The following ADAMTS17 variants were observed in gnomAD, a reference collection of about 807,000 sequenced individuals.
The protein encoded by ADAMTS17 is A disintegrin and metalloproteinase with thrombospondin motifs 17.
ADAMTS17 carries 113 observed loss-of-function variants against 141.5 expected under a neutral mutation model. That is an observed-to-expected ratio of 0.80 (90% CI 0.69 to 0.93). ADAMTS17 has a LOEUF of 0.93. Ranked by LOEUF, ADAMTS17 falls within the 40% of genes least tolerant of loss-of-function variation. The pLI is 0.00. For missense variants in ADAMTS17, 1,659 were observed against 1,517.9 expected (o/e 1.09, Z -1.54); for synonymous variants, 768 against 630.6 (o/e 1.22, Z -3.27).
rs907076666 is a variant in ADAMTS17 at position 100,303,205 on chromosome 15, TAATA to T, written c.617-21808_617-21805del. On this transcript the variant is annotated intron_variant, in intron 3 of 21. Transcript: ENST00000268070. ...TATAAACTTACCTTTATAAAATATA[TAATA>T]TATATGTAACATATATATTATATAT... 8.2e-5 allele frequency among the ~76,000 whole-genome samples: 12 copies of T among 147,116 alleles called. No individual in the cohort carries two copies. In the South Asian group the frequency reaches 1.3e-3, roughly 15 times the overall value.
intron 7 of ADAMTS17, among the ~76,000 whole-genome samples, chr15:100,247,433 A>G (rs1273550324): frequency 6.6e-6 from 1 of 152,182 alleles, no homozygotes; most frequent in Admixed American, 6.5e-5. Flanking sequence ...ACCCTCACAG[A>G]ATGAAGACAT....
intron 14 of ADAMTS17, among the ~76,000 whole-genome samples, chr15:100,101,927 G>T (rs766954586): frequency 6.6e-6 from 1 of 152,212 alleles, no homozygotes; most frequent in Non-Finnish European, 1.5e-5. Context: ...TTGCGCAGCC[G>T]TGACTCCAGG....
chr15:100,102,790 A>G (rs1596438982), intron 14 of ADAMTS17, among the ~76,000 whole-genome samples: 1 of 152,194 alleles, frequency 6.6e-6, no homozygotes, highest in Non-Finnish European at 1.5e-5. Flanking sequence ...ATGACCCTGG[A>G]AAGCAGCTCC....
chr15:100,254,140 A>C lies in ADAMTS17; in HGVS notation c.1071T>G (p.Thr357=), dbSNP rs1450190162. 37 of 1,613,322 alleles carry C rather than the reference A, an allele frequency of 2.3e-5. No homozygotes were observed. Among genetic ancestry groups the C allele is most frequent in the Non-Finnish European group, 2.8e-5 (33 of 1,179,360 alleles). The change falls in exon 7 of 22, where the codon ACT becomes ACG. Residue 357 remains threonine (T), a synonymous_variant. Transcript: ENST00000268070. ...TTATTTCAACTCTAAACTTACCAAC[A>C]GTGTCACACGGTTCATCCTTGTGTA... is the stretch of plus-strand genomic sequence containing the variant. The part of the protein sequence containing the change: ...FCVHKDEPCD[T]VGIAYLGGVC...
At chr15:100,008,716 C>T (rs1446211949) in intron 18 of ADAMTS17, among the ~76,000 whole-genome samples, 2 of 152,228 alleles carry the variant, frequency 1.3e-5, no homozygotes, top group African/African-American at 2.4e-5. Context: ...GATCAGAGTT[C>T]TCACTTCTCA....
chr15:100,127,433 C>T (rs1387491024), intron 12 of ADAMTS17, among the ~76,000 whole-genome samples: 4 of 152,162 alleles, frequency 2.6e-5, no homozygotes, highest in African/African-American at 9.7e-5. Context: ...AACGGATTCA[C>T]CTTTGGAGTT....
intron 12 of ADAMTS17, among the ~76,000 whole-genome samples, chr15:100,125,058 C>A (rs904043749): frequency 1.3e-5 from 2 of 152,226 alleles, no homozygotes; most frequent in African/African-American, 4.8e-5. Context: ...GATAAAGTCA[C>A]AACAGCAGTT....
chr15:100,095,187 C>T (rs962880981), intron 15 of ADAMTS17, among the ~76,000 whole-genome samples: 3 of 152,220 alleles, frequency 2.0e-5, no homozygotes, highest in Non-Finnish European at 4.4e-5. Context: ...TCAGGAGCCA[C>T]GTGGCAGGCA....
At chr15:100,324,333 C>T (rs1051497801) in intron 3 of ADAMTS17, among the ~76,000 whole-genome samples, 7 of 152,052 alleles carry the variant, frequency 4.6e-5, no homozygotes, top group African/African-American at 1.7e-4. Context: ...AAAAAAAAAG[C>T]TCTGAAGCAA....
intron 7 of ADAMTS17, among the ~76,000 whole-genome samples, chr15:100,201,072 G>A (rs1427147130): frequency 6.6e-6 from 1 of 152,202 alleles, no homozygotes; most frequent in African/African-American, 2.4e-5. Context: ...TGCCCCCAAA[G>A]AGCTAAACCA....
At chr15:100,128,678 C>G (rs560003223) in intron 12 of ADAMTS17, 1 of 152,348 alleles carries the variant, frequency 6.6e-6, no homozygotes, top group South Asian at 2.1e-4. Flanking sequence ...CTCCTGGGGC[C>G]ATGGGACCTG....
chr15:100,312,548 TAAGA>T (rs2141865532), intron 3 of ADAMTS17, among the ~76,000 whole-genome samples: 1 of 152,310 alleles, frequency 6.6e-6, no homozygotes, highest in African/African-American at 2.4e-5. Flanking sequence ...AGAGCGGTAA[TAAGA>T]AAGTAATGCC....
intron 3 of ADAMTS17, among the ~76,000 whole-genome samples, chr15:100,322,268 G>T (rs772901531): frequency 6.6e-6 from 1 of 152,152 alleles, no homozygotes; most frequent in African/African-American, 2.4e-5. Context: ...AAGGTGACTG[G>T]AAAGTATGGG....
intron 3 of ADAMTS17, among the ~76,000 whole-genome samples, chr15:100,325,739 C>A (rs111403992): frequency 0.012 from 1,844 of 152,288 alleles, 46 homozygotes; most frequent in African/African-American, 0.041. Flanking sequence ...CCACCAGAAA[C>A]AGACACTGAC....
rs961346403 is a variant in ADAMTS17, at chr15:100,051,618, G to C, written c.2409C>G (p.Ile803Met). 1 of 1,614,180 alleles carries C rather than the reference G, an allele frequency of 6.2e-7. No homozygotes were observed. Among genetic ancestry groups the C allele is most frequent in the Non-Finnish European group, 8.5e-7 (1 of 1,180,020 alleles). Residue 803 changes from isoleucine to methionine, a missense_variant, in exon 17 of 22, where the codon ATC (isoleucine) becomes ATG (methionine). Transcript: ENST00000268070. ...ACCCTTCCCAGCCGCTGTGGGTCCA[G>C]ATGAACAAAGAGTCCTGCGGTTTTT... Reference protein sequence around the residue: ...EPEKPQDSLFIWTHSGWEGCS... With the variant: ...EPEKPQDSLFMWTHSGWEGCS...
chr15:100,113,813 C>A (rs1308827468), intron 13 of ADAMTS17, among the ~76,000 whole-genome samples: 2 of 152,256 alleles, frequency 1.3e-5, no homozygotes, highest in African/African-American at 4.8e-5. Context: ...CCCACGGAGG[C>A]TCAGACCTGG....
intron 15 of ADAMTS17, among the ~76,000 whole-genome samples, chr15:100,091,540 C>T (rs1001210261): frequency 6.6e-6 from 1 of 152,316 alleles, no homozygotes; most frequent in African/African-American, 2.4e-5. Context: ...GACCTTTAAC[C>T]TGTCTCAAAT....
intron 3 of ADAMTS17, among the ~76,000 whole-genome samples, chr15:100,323,242 A>C (rs1049152451): frequency 1.3e-5 from 2 of 152,232 alleles, no homozygotes; most frequent in Non-Finnish European, 2.9e-5. Context: ...ATTTTATAAA[A>C]TACATGCAAG....
intron 3 of ADAMTS17, among the ~76,000 whole-genome samples, chr15:100,312,339 T>C (rs2045432281): frequency 1.3e-5 from 2 of 152,228 alleles, no homozygotes; most frequent in South Asian, 2.1e-4. Flanking sequence ...GAAGAGGCCA[T>C]GAGCCAAGGA....
Sources: allele counts gnomAD v4.1 joint callset (sites outside exome capture counted in the v4.1 genomes callset), GRCh38; gene constraint gnomAD v4.1.1; transcripts MANE v1.5; gene names NCBI Gene and HGNC (gene_info 2026-07-23, HGNC 2026-07-21).